The following ATP10B variants were observed in gnomAD, a reference collection of about 807,000 sequenced individuals.
ATP10B encodes the protein phospholipid-transporting ATPase VB.
In ATP10B, 122 loss-of-function variants were observed where a neutral mutation model predicts 141.2. The ratio of observed to expected loss-of-function variants is 0.86; its 90% confidence interval spans 0.75 to 1.00. The LOEUF is 1.00. Ranked by LOEUF, ATP10B falls within the 50% of genes least tolerant of loss-of-function variation. The pLI, the probability that ATP10B is intolerant of heterozygous loss-of-function variation, is 0.00. For missense variants in ATP10B, 1,876 were observed against 1,825.3 expected (o/e 1.03, Z -0.51); for synonymous variants, 685 against 692.0 (o/e 0.99, Z 0.16).
chr5:160,906,736 C>A, the ATP10B span, among the ~76,000 whole-genome samples: 2 of 152,124 alleles, frequency 1.3e-5, no homozygotes, highest in African/African-American at 2.4e-5. Flanking sequence ...CTGTCGGTAC[C>A]CAGTACCGCC....
chr5:160,822,491 G>A (rs957791292), intron 1 of ATP10B, among the ~76,000 whole-genome samples: 4 of 151,972 alleles, frequency 2.6e-5, no homozygotes, highest in Non-Finnish European at 1.5e-5. Context: ...ACCATACAAT[G>A]CAGCAATCTT....
At chr5:160,582,766 C>G (rs1332950384) in intron 24 of ATP10B, among the ~76,000 whole-genome samples, 1 of 152,122 alleles carries the variant, frequency 6.6e-6, no homozygotes, top group Non-Finnish European at 1.5e-5. Context: ...TTCTTGGAGG[C>G]TTTGTTCATT....
chr5:160,873,977 C>T, the ATP10B span, among the ~76,000 whole-genome samples: 7 of 152,344 alleles, frequency 4.6e-5, no homozygotes, highest in Non-Finnish European at 8.8e-5. Flanking sequence ...TGCCATTGCC[C>T]AGGCTTGCTT....
the ATP10B span, among the ~76,000 whole-genome samples, chr5:160,872,913 G>A: frequency 2.6e-5 from 4 of 151,740 alleles, no homozygotes; most frequent in African/African-American, 9.7e-5. Context: ...TGTGAAGAAC[G>A]ACGGTGGTAT....
chr5:160,590,111 A>G (rs1044328612), intron 23 of ATP10B, among the ~76,000 whole-genome samples: 1 of 152,196 alleles, frequency 6.6e-6, no homozygotes, highest in African/African-American at 2.4e-5. Context: ...ACAGAAGAGG[A>G]TATATTAGCT....
At chr5:160,813,335 T>C (rs1384219995) in intron 1 of ATP10B, among the ~76,000 whole-genome samples, 1 of 152,202 alleles carries the variant, frequency 6.6e-6, no homozygotes, top group African/African-American at 2.4e-5. Flanking sequence ...CAGGAGATTA[T>C]ATCCCGCGCA....
chr5:160,833,113 A>G (rs1017664643), intron 1 of ATP10B, among the ~76,000 whole-genome samples: 1 of 152,186 alleles, frequency 6.6e-6, no homozygotes, highest in African/African-American at 2.4e-5. Flanking sequence ...GCAGGCTAGT[A>G]TGATGGAGAG....
At chr5:160,748,961 T>A (rs894263995) in intron 2 of ATP10B, among the ~76,000 whole-genome samples, 3 of 152,168 alleles carry the variant, frequency 2.0e-5, no homozygotes. Flanking sequence ...TTCATAGTAA[T>A]GTTTGGGAGG....
chr5:160,604,167 G>A (rs1159036101), intron 19 of ATP10B, 126 bp from the exon 20 acceptor site: 3 of 717,208 alleles, frequency 4.2e-6, no homozygotes, highest in African/African-American at 1.7e-5. Flanking sequence ...GCTATAGAAA[G>A]TCATTGCTAT....
At chr5:160,716,369 C>T (rs182067628) in intron 3 of ATP10B, among the ~76,000 whole-genome samples, 215 of 152,168 alleles carry the variant, frequency 1.4e-3, no homozygotes, top group Middle Eastern at 3.4e-3. Context: ...CATAACAACC[C>T]TGTGATGGGG....
the ATP10B span, among the ~76,000 whole-genome samples, chr5:160,922,006 G>A: frequency 1.4e-4 from 21 of 152,300 alleles, no homozygotes; most frequent in African/African-American, 4.6e-4. Context: ...GATAGAGATG[G>A]GGAACACAAC....
chr5:160,790,060 G>A (rs538772441), intron 1 of ATP10B, among the ~76,000 whole-genome samples: 10 of 152,256 alleles, frequency 6.6e-5, no homozygotes, highest in Non-Finnish European at 1.0e-4. Flanking sequence ...AAAGGAGAAA[G>A]TACAATGAGG....
At chr5:160,664,064 T>A (rs1367902060) in intron 7 of ATP10B, among the ~76,000 whole-genome samples, 1 of 152,216 alleles carries the variant, frequency 6.6e-6, no homozygotes, top group African/African-American at 2.4e-5. Flanking sequence ...TATTATGAAG[T>A]CATATTTTAA....
chr5:160,893,358 G>T, the ATP10B span, among the ~76,000 whole-genome samples: 1 of 152,120 alleles, frequency 6.6e-6, no homozygotes, highest in Non-Finnish European at 1.5e-5. Context: ...GAGCTTGGTG[G>T]GGGGAGGGGT....
intron 21 of ATP10B, among the ~76,000 whole-genome samples, 187 bp downstream of exon 21, chr5:160,602,389 CA>C (rs1222785731): frequency 6.6e-6 from 1 of 152,180 alleles, no homozygotes; most frequent in African/African-American, 2.4e-5. Context: ...AATAACTTCA[CA>C]AAAATAGAAA....
At chr5:160,797,623 A>G (rs1188742682) in intron 1 of ATP10B, among the ~76,000 whole-genome samples, 1 of 152,218 alleles carries the variant, frequency 6.6e-6, no homozygotes, top group Non-Finnish European at 1.5e-5. Flanking sequence ...CTAAACAACT[A>G]TTCATTTAGT....
intron 1 of ATP10B, among the ~76,000 whole-genome samples, chr5:160,844,649 G>T (rs1230527950): frequency 2.0e-5 from 3 of 151,728 alleles, no homozygotes; most frequent in Non-Finnish European, 4.4e-5. Flanking sequence ...GGGTTCAAGT[G>T]ATTCTCCTGC....
intron 18 of ATP10B, among the ~76,000 whole-genome samples, chr5:160,611,194 G>C (rs1757700363): frequency 6.6e-6 from 1 of 152,166 alleles, no homozygotes; most frequent in Non-Finnish European, 1.5e-5. Context: ...TGGACAGAAA[G>C]ATTCGTCATT....
At chr5:160,586,258 T>C (rs1755890606) in intron 24 of ATP10B, among the ~76,000 whole-genome samples, 1 of 152,224 alleles carries the variant, frequency 6.6e-6, no homozygotes, top group Admixed American at 6.5e-5. Flanking sequence ...GTTAGTTTGC[T>C]GAGGATAATG....
Sources: allele counts gnomAD v4.1 joint callset (sites outside exome capture counted in the v4.1 genomes callset), GRCh38; gene constraint gnomAD v4.1.1; transcripts MANE v1.5; gene names NCBI Gene and HGNC (gene_info 2026-07-23, HGNC 2026-07-21).